ASB5: variants seen among roughly 807,000 people sequenced by gnomAD.
ASB5 encodes the protein ankyrin repeat and SOCS box protein 5.
In ASB5, 45 loss-of-function variants were observed where a neutral mutation model predicts 42.1. The observed-to-expected ratio is 1.07, with a 90% confidence interval of 0.84 to 1.37. The LOEUF (loss-of-function observed/expected upper bound fraction) is 1.37. Among genes scored for constraint, ASB5 ranks in the 40% most tolerant of loss-of-function variants. The pLI is 0.00. For synonymous variants in ASB5, 147 were observed against 150.6 expected, an observed-to-expected ratio of 0.98 and a Z score of 0.18; for missense variants, 402 against 399.8, an observed-to-expected ratio of 1.01 and a Z score of -0.05.
chr4:176,244,145 C>T (rs536877061), intron 1 of ASB5, among the ~76,000 whole-genome samples: 4 of 152,098 alleles, frequency 2.6e-5, no homozygotes, highest in African/African-American at 9.6e-5. Context: ...TTTATAATCC[C>T]ATATTTCTCG....
intron 1 of ASB5, among the ~76,000 whole-genome samples, chr4:176,227,238 G>T (rs560174811): frequency 6.6e-6 from 1 of 152,322 alleles, no homozygotes; most frequent in South Asian, 2.1e-4. Context: ...AACTAAATCA[G>T]ATAGTATACA....
At chr4:176,219,477 T>C (rs1390992793) in intron 5 of ASB5, among the ~76,000 whole-genome samples, 1 of 74,538 alleles carries the variant, frequency 1.3e-5, no homozygotes, top group African/African-American at 4.6e-5. Flanking sequence ...ATTTGTATGA[T>C]ATATAAATAT....
chr4:176,258,746 A>G (rs1754203026), intron 1 of ASB5, among the ~76,000 whole-genome samples: 2 of 152,182 alleles, frequency 1.3e-5, no homozygotes, highest in African/African-American at 2.4e-5. Flanking sequence ...GTCATTTTGT[A>G]CATGCTTTCT....
chr4:176,234,007 T>C (rs1753618593), intron 1 of ASB5, among the ~76,000 whole-genome samples: 1 of 152,140 alleles, frequency 6.6e-6, no homozygotes, highest in Non-Finnish European at 1.5e-5. Flanking sequence ...GAAGTCATTT[T>C]GCCTCTATCA....
At chr4:176,274,442 T>C (rs929856099) in intron 2 of ASB5, among the ~76,000 whole-genome samples, 9 of 152,196 alleles carry the variant, frequency 5.9e-5, no homozygotes, top group Admixed American at 4.6e-4. Context: ...ATCCCTTCTG[T>C]ACAACAGATG....
chr4:176,261,218 G>A (rs956234752), intron 1 of ASB5, among the ~76,000 whole-genome samples: 4 of 152,110 alleles, frequency 2.6e-5, no homozygotes, highest in East Asian at 1.9e-4. Flanking sequence ...CTGAGGATGC[G>A]CAGTGCTGAG....
intron 1 of ASB5, among the ~76,000 whole-genome samples, chr4:176,248,425 A>G (rs560559977): frequency 2.0e-5 from 3 of 152,240 alleles, no homozygotes; most frequent in South Asian, 2.1e-4. Flanking sequence ...CCCAGCCCAC[A>G]TTGGCAAATA....
intron 5 of ASB5, among the ~76,000 whole-genome samples, chr4:176,218,970 GATATATAA>G (rs1579307969): frequency 7.0e-5 from 1 of 14,206 alleles, no homozygotes; most frequent in East Asian, 9.9e-4. Context: ...ATATTTGTAT[GATATATAA>G]ATATATATAT....
chr4:176,269,038 A>T lies in ASB5; in HGVS notation c.71T>A (p.Leu24Gln), dbSNP rs372618578. ...LSNVYFTILS[L>Q]FCFKLFVKIS... The stretch of plus-strand genomic sequence containing the variant: ...TTTCACAAAAAGCTTAAAACAGAAC[A>T]GCGAAAGTATTGTAAAGTAGACATT... Residue 24 changes from leucine to glutamine, a missense_variant, in exon 1 of 7, where the codon CTG becomes CAG. By Grantham distance (113) the Leu-to-Gln change is moderately radical. Coordinates refer to ENST00000296525, the MANE Select transcript of ASB5 (RefSeq NM_080874.4). 1 of 1,613,542 alleles carries T rather than the reference A, an allele frequency of 6.2e-7. No individual in the cohort carries two copies. Among genetic ancestry groups the T allele is most frequent in the Non-Finnish European group, 8.5e-7 (1 of 1,179,732 alleles).
intron 1 of ASB5, among the ~76,000 whole-genome samples, chr4:176,232,038 C>A (rs1753559520): frequency 6.6e-6 from 1 of 151,628 alleles, no homozygotes. Flanking sequence ...AGGGAATAAG[C>A]AATGACATTT....
At chr4:176,224,504 G>A (rs1753317218) in intron 2 of ASB5, among the ~76,000 whole-genome samples, 1 of 150,760 alleles carries the variant, frequency 6.6e-6, no homozygotes, top group South Asian at 2.1e-4. Context: ...CAAAGTGTTG[G>A]AATTACAGGC....
intron 1 of ASB5, among the ~76,000 whole-genome samples, chr4:176,229,508 G>C (rs940110110): frequency 4.6e-5 from 7 of 152,174 alleles, no homozygotes; most frequent in Non-Finnish European, 8.8e-5. Flanking sequence ...TTGAGAGAGA[G>C]AGAGAAGGAC....
In ASB5 at chr4:176,222,497, A is replaced by G; in HGVS notation, c.277-77T>C. On this transcript the variant is annotated intron_variant, in intron 2 of 6. Transcript: ENST00000296525. ...ATCATCTATATGGATGTCACTAGAG[A>G]GTGATATATTTTAGACATCAAAGAA... The G allele has an allele frequency of 7.0e-6, 9 of 1,281,392 alleles. No individual in the cohort carries two copies. In the South Asian group the frequency reaches 1.1e-4, roughly 16 times the overall value. The allele number at this position is 1,281,392 out of a possible 1,614,324, so 79.4% of individuals were successfully genotyped here.
At chr4:176,249,996 C>T (rs867883829) in intron 1 of ASB5, among the ~76,000 whole-genome samples, 23 of 146,788 alleles carry the variant, frequency 1.6e-4, no homozygotes, top group Admixed American at 9.6e-4. Flanking sequence ...ACCCGGGAGG[C>T]GGAGCTTGCA....
At chr4:176,219,940 G>A (rs545154500) in intron 5 of ASB5, among the ~76,000 whole-genome samples, 26 of 152,182 alleles carry the variant, frequency 1.7e-4, no homozygotes, top group South Asian at 4.1e-4. Context: ...GTGTCCAATC[G>A]TTTGGTTTCC....
intron 1 of ASB5, among the ~76,000 whole-genome samples, chr4:176,227,138 ACT>A (rs1753403136): frequency 6.6e-6 from 1 of 152,044 alleles, no homozygotes; most frequent in African/African-American, 2.4e-5. Flanking sequence ...AGACCATATG[ACT>A]CTCTAAATCA....
chr4:176,222,204 C>T, intron 3 of ASB5, 109 bp downstream of exon 3: 2 of 961,918 alleles, frequency 2.1e-6, no homozygotes, highest in South Asian at 1.5e-5. Context: ...TTTTATTCTG[C>T]TATTTTTGAA....
At chr4:176,252,471 T>G (rs975229317) in intron 1 of ASB5, among the ~76,000 whole-genome samples, 1 of 152,254 alleles carries the variant, frequency 6.6e-6, no homozygotes, top group African/African-American at 2.4e-5. Flanking sequence ...TCCATGAATA[T>G]TCATTAAGAA....
intron 1 of ASB5, among the ~76,000 whole-genome samples, chr4:176,240,011 T>G (rs953192812): frequency 1.3e-5 from 2 of 152,156 alleles, no homozygotes; most frequent in East Asian, 1.9e-4. Flanking sequence ...GCTGTATGGA[T>G]TCATAAAAAG....
Sources: allele counts gnomAD v4.1 joint callset (sites outside exome capture counted in the v4.1 genomes callset), GRCh38; gene constraint gnomAD v4.1.1; transcripts MANE v1.5; gene names NCBI Gene and HGNC (gene_info 2026-07-23, HGNC 2026-07-21).